The following ACOXL variants were observed in gnomAD, a reference collection of about 807,000 sequenced individuals.
ACOXL encodes acyl-coenzyme A oxidase-like protein.
ACOXL carries 70 observed loss-of-function variants against 71.9 expected under a neutral mutation model. That is an observed-to-expected ratio of 0.97 (90% CI 0.80 to 1.19). The LOEUF (loss-of-function observed/expected upper bound fraction) is 1.19. ACOXL is among the 50% of genes most tolerant of loss of function. The probability of loss-of-function intolerance (pLI) is 0.00; values close to 1 mark genes in which losing one functional copy is unlikely to be tolerated. For missense variants in ACOXL, 703 were observed against 736.3 expected, an observed-to-expected ratio of 0.95 and a Z score of 0.52; for synonymous variants, 253 against 281.6, an observed-to-expected ratio of 0.90 and a Z score of 1.02.
chr2:110,735,294 A>G (rs1676690146), intron 1 of ACOXL, among the ~76,000 whole-genome samples: 1 of 152,176 alleles, frequency 6.6e-6, no homozygotes, highest in Admixed American at 6.5e-5. Context: ...ACATTAGGAG[A>G]TGAGAAATAA....
At chr2:110,971,549 A>G (rs1477271445) in intron 12 of ACOXL, among the ~76,000 whole-genome samples, 1 of 152,252 alleles carries the variant, frequency 6.6e-6, no homozygotes, top group East Asian at 1.9e-4. Flanking sequence ...TTAGAAAGAA[A>G]TAGAGCAAAA....
At chr2:110,946,508 G>C (rs1424421552) in intron 12 of ACOXL, among the ~76,000 whole-genome samples, 1 of 152,146 alleles carries the variant, frequency 6.6e-6, no homozygotes, top group Non-Finnish European at 1.5e-5. Context: ...GTATGAAGTT[G>C]AGAGCCATAT....
chr2:111,008,134 CT>C lies in ACOXL; in HGVS notation c.1281+12137del, dbSNP rs138817809. Among the ~76,000 whole-genome samples the C allele has an allele frequency of 8.6e-3, 1,313 of 152,206 alleles. 16 individuals carry two copies. Among genetic ancestry groups the C allele is most frequent in the African/African-American group, 0.029 (1,194 of 41,542 alleles). ...TATTTCCGAAGTTTCTTTAATTAGC[CT>C]TTTTTTCCCCCTCTTTTGGTGTGGT... On this transcript the variant is annotated intron_variant, in intron 14 of 17. Transcript: ENST00000439055.
chr2:110,844,430 T>G (rs1297655804), intron 10 of ACOXL, among the ~76,000 whole-genome samples: 1 of 152,166 alleles, frequency 6.6e-6, no homozygotes. Flanking sequence ...TCACGAGGTG[T>G]CTCTGAAGAG....
rs114739673 is a variant in ACOXL at position 110,817,584 on chromosome 2, A to G, written c.753+12189A>G. Among the ~76,000 whole-genome samples, 1,499 of 152,286 alleles carry G rather than the reference A, an allele frequency of 9.8e-3. 12 individuals are homozygous for G. The highest frequency in any genetic ancestry group is 0.016 in the Non-Finnish European group (1,100 of 68,024). On this transcript the variant is annotated intron_variant, in intron 9 of 17. Coordinates refer to ENST00000439055, the MANE Select transcript of ACOXL (RefSeq NM_001142807.4). ...TCTGATCTTTGGGCCAACCTGGCCC[A>G]TGAGAGATTCCAAGGATTTGAGCTG...
intron 10 of ACOXL, among the ~76,000 whole-genome samples, chr2:110,897,968 C>A (rs2059081173): frequency 7.0e-6 from 1 of 143,570 alleles, no homozygotes; most frequent in Non-Finnish European, 1.5e-5. Flanking sequence ...AGGAACAACT[C>A]TGTAAACATA....
chr2:110,941,542 T>C (rs963566776), intron 12 of ACOXL, among the ~76,000 whole-genome samples: 2 of 152,182 alleles, frequency 1.3e-5, no homozygotes, highest in Admixed American at 6.6e-5. Context: ...TGAGGACTCA[T>C]TTGCCCTCAT....
At chr2:110,998,101 T>C (rs917253251) in intron 14 of ACOXL, among the ~76,000 whole-genome samples, 12 of 152,058 alleles carry the variant, frequency 7.9e-5, no homozygotes, top group African/African-American at 1.7e-4. Context: ...AAAAACATGA[T>C]TTTTTAAAAA....
chr2:110,764,772 T>C (rs957981572), intron 1 of ACOXL, among the ~76,000 whole-genome samples: 4 of 152,234 alleles, frequency 2.6e-5, no homozygotes, highest in African/African-American at 9.6e-5. Context: ...GAAATCTCTG[T>C]ATCTTTTAAT....
At chr2:110,849,745 G>A (rs1436149979) in intron 10 of ACOXL, among the ~76,000 whole-genome samples, 2 of 142,720 alleles carry the variant, frequency 1.4e-5, no homozygotes, top group East Asian at 2.0e-4. Flanking sequence ...GTGACAGAGT[G>A]AGAAAAACAA....
intron 14 of ACOXL, among the ~76,000 whole-genome samples, chr2:111,008,470 C>T (rs1558861702): frequency 6.6e-6 from 1 of 152,140 alleles, no homozygotes; most frequent in Non-Finnish European, 1.5e-5. Flanking sequence ...CATTTTTTTA[C>T]AGCCACAGAA....
At chr2:110,840,432 G>A (rs777814864) in intron 9 of ACOXL, among the ~76,000 whole-genome samples, 5 of 152,244 alleles carry the variant, frequency 3.3e-5, no homozygotes, top group East Asian at 1.9e-4. Context: ...ATAGGCACAC[G>A]CATACACACA....
intron 10 of ACOXL, among the ~76,000 whole-genome samples, chr2:110,888,193 G>A (rs180858740): frequency 5.9e-5 from 9 of 152,298 alleles, no homozygotes; most frequent in African/African-American, 1.9e-4. Flanking sequence ...GCACTGCTCA[G>A]TGGGTCGTAT....
chr2:111,087,286 G>A lies in ACOXL; in HGVS notation c.1441-5579G>A, dbSNP rs900774417. 3.9e-5 allele frequency among the ~76,000 whole-genome samples: 6 copies of A among 152,172 alleles called. No individual in the cohort carries two copies. The South Asian group carries it at 8.3e-4, about 21-fold the overall frequency. On this transcript the variant is annotated intron_variant, in intron 16 of 17. Coordinates refer to ENST00000439055, the MANE Select transcript of ACOXL (RefSeq NM_001142807.4). The stretch of plus-strand genomic sequence containing the variant: ...CAAACTATCAATGACATTCTTCACA[G>A]AAGTAGGGAAAGCTGTTTTAAAATT...
At chr2:110,960,869 G>A (rs2061677317) in intron 12 of ACOXL, among the ~76,000 whole-genome samples, 1 of 152,138 alleles carries the variant, frequency 6.6e-6, no homozygotes, top group Non-Finnish European at 1.5e-5. Context: ...TCAAGAAGAT[G>A]GCTGCAAGCC....
chr2:110,957,038 T>C (rs1259097354), intron 12 of ACOXL, among the ~76,000 whole-genome samples: 1 of 152,174 alleles, frequency 6.6e-6, no homozygotes, highest in African/African-American at 2.4e-5. Flanking sequence ...GTTTGGAACA[T>C]GGGTTTAGAG....
chr2:111,014,409 T>G (rs2064328437), intron 14 of ACOXL, among the ~76,000 whole-genome samples: 1 of 152,218 alleles, frequency 6.6e-6, no homozygotes, highest in Non-Finnish European at 1.5e-5. Context: ...ACACATTTAA[T>G]AGTAAAACCA....
At chr2:110,941,723 A>T (rs1224343273) in intron 12 of ACOXL, among the ~76,000 whole-genome samples, 3 of 152,232 alleles carry the variant, frequency 2.0e-5, no homozygotes, top group African/African-American at 7.2e-5. Flanking sequence ...CAACAAAATT[A>T]TGTTTCAAAA....
chr2:111,106,828 T>A (rs965374099), intron 17 of ACOXL, among the ~76,000 whole-genome samples: 2 of 152,184 alleles, frequency 1.3e-5, no homozygotes, highest in African/African-American at 4.8e-5. Flanking sequence ...TTTTAGTTAC[T>A]AACTAGGCCT....
Sources: gnomAD v4.1 joint callset for allele counts (sites outside exome capture counted in the v4.1 genomes callset) on GRCh38, gnomAD v4.1.1 for gene constraint, MANE v1.5 for transcripts, NCBI Gene and HGNC (gene_info 2026-07-23, HGNC 2026-07-21) for gene names.